Variants in NELL1 observed in about 807,000 individuals in gnomAD.
NELL1 encodes neural EGFL like 1.
A neutral mutation model predicts 107.4 loss-of-function variants in NELL1; 76 were observed. That is an observed-to-expected ratio of 0.71 (90% confidence interval 0.59 to 0.86). The LOEUF is 0.86. Among genes scored for constraint, NELL1 ranks in the 40% least tolerant of loss-of-function variants. NELL1 has a pLI of 0.00. For missense variants in NELL1, 1,024 were observed against 1,005.5 expected, an observed-to-expected ratio of 1.02 and a Z score of -0.25; for synonymous variants, 353 against 341.2, an observed-to-expected ratio of 1.03 and a Z score of -0.38.
chr11:20,732,039 A>G lies in NELL1; in HGVS notation c.185-51641A>G, dbSNP rs552114150. 8.3e-4 allele frequency among the ~76,000 whole-genome samples: 126 copies of G among 152,006 alleles called. 2 individuals carry two copies. Among genetic ancestry groups the G allele is most frequent in the Admixed American group, 8.3e-3 (126 of 15,258 alleles). ...GGCTCCTCTAATGGAGTCCTCTGGG[A>G]CCCATCCTTTCTAGGACTTGCCTAG... On this transcript the variant is annotated intron_variant, in intron 2 of 19. Transcript: ENST00000357134.
chr11:21,263,689 G>T (rs1175203777), intron 14 of NELL1, among the ~76,000 whole-genome samples: 1 of 151,856 alleles, frequency 6.6e-6, no homozygotes, highest in African/African-American at 2.4e-5. Flanking sequence ...ATATTTAGCT[G>T]CCATTGTCAG....
chr11:21,331,955 C>T (rs1850281405), intron 14 of NELL1, among the ~76,000 whole-genome samples: 1 of 151,988 alleles, frequency 6.6e-6, no homozygotes, highest in Non-Finnish European at 1.5e-5. Context: ...CGCTCTTTCC[C>T]CTTGTGGCAT....
At chr11:21,498,208 T>C (rs1382324122) in intron 15 of NELL1, among the ~76,000 whole-genome samples, 1 of 151,554 alleles carries the variant, frequency 6.6e-6, no homozygotes, top group East Asian at 1.9e-4. Flanking sequence ...TCTTTTTATA[T>C]TCTTTCTTGA....
chr11:21,337,793 TTTCC>T (rs1197901079), intron 14 of NELL1, among the ~76,000 whole-genome samples: 41 of 130,062 alleles, frequency 3.2e-4, no homozygotes, highest in South Asian at 1.7e-3. Flanking sequence ...TCTTTCTTTC[TTTCC>T]TTCTTTCTTT....
chr11:21,462,264 T>A (rs1430543318), intron 15 of NELL1, among the ~76,000 whole-genome samples: 1 of 152,130 alleles, frequency 6.6e-6, no homozygotes, highest in African/African-American at 2.4e-5. Flanking sequence ...TTGCTACATT[T>A]CATTTGAAAT....
intron 15 of NELL1, among the ~76,000 whole-genome samples, chr11:21,464,004 A>G (rs946807779): frequency 5.3e-5 from 8 of 152,048 alleles, no homozygotes; most frequent in Non-Finnish European, 8.8e-5. Context: ...TCCTCATGTC[A>G]TTTGGGCTTC....
chr11:21,340,897 T>C (rs548918406), intron 14 of NELL1, among the ~76,000 whole-genome samples: 1 of 152,268 alleles, frequency 6.6e-6, no homozygotes, highest in East Asian at 1.9e-4. Context: ...ACCAAATTTG[T>C]GGTACTTTGT....
intron 3 of NELL1, among the ~76,000 whole-genome samples, chr11:20,787,598 T>C (rs950705046): frequency 1.3e-5 from 2 of 152,232 alleles, no homozygotes; most frequent in Non-Finnish European, 2.9e-5. Flanking sequence ...GATTGTTGGC[T>C]TAAAAATCAG....
intron 12 of NELL1, among the ~76,000 whole-genome samples, chr11:20,975,312 G>A (rs7931503): frequency 0.17 from 25,445 of 151,590 alleles, 2,465 homozygotes; most frequent in Middle Eastern, 0.28. Context: ...CACCGCACCC[G>A]GCTGGGGCTT....
chr11:21,099,216 C>CACACAA (rs1554967515), intron 12 of NELL1, among the ~76,000 whole-genome samples: 81 of 143,626 alleles, frequency 5.6e-4, no homozygotes, highest in South Asian at 4.3e-3. Flanking sequence ...CACACACACA[C>CACACAA]ACACACACAC....
chr11:21,080,281 G>GCTA (rs1854235076), intron 12 of NELL1, among the ~76,000 whole-genome samples: 1 of 151,906 alleles, frequency 6.6e-6, no homozygotes, highest in Non-Finnish European at 1.5e-5. Context: ...TGTTAATATA[G>GCTA]CTACCTCTTG....
Position 21,404,129 on chromosome 11 carries a change from T to C in NELL1, c.1645+33181T>C, listed in dbSNP as rs186836476. On this transcript the variant is annotated intron_variant, in intron 15 of 19. Transcript: ENST00000357134. ...CACATGTGACAGTCAAGCAACTTTG[T>C]GTCTCAGGCCTGCACTTTAGAAACA... Among the ~76,000 whole-genome samples, 8 of 151,028 alleles carry C rather than the reference T, an allele frequency of 5.3e-5. No homozygotes were observed. The Admixed American group carries it at 5.3e-4, about 10-fold the overall frequency.
chr11:21,119,427 C>T (rs1199970735), intron 13 of NELL1, among the ~76,000 whole-genome samples: 1 of 150,600 alleles, frequency 6.6e-6, no homozygotes, highest in Non-Finnish European at 1.5e-5. Context: ...GATAATAAAG[C>T]TCCAAGAGTT....
At chr11:21,248,249 CAT>C (rs1299459198) in intron 14 of NELL1, among the ~76,000 whole-genome samples, 1 of 151,390 alleles carries the variant, frequency 6.6e-6, no homozygotes, top group African/African-American at 2.4e-5. Flanking sequence ...AGGAGGCTGA[CAT>C]GGGAGGATTG....
chr11:20,708,821 C>T (rs368643525), intron 2 of NELL1, among the ~76,000 whole-genome samples: 1 of 152,118 alleles, frequency 6.6e-6, no homozygotes, highest in East Asian at 1.9e-4. Flanking sequence ...CAGTGGTCCG[C>T]AAACTTTTTG....
In NELL1 at chr11:20,962,267, A is replaced by G. The variant is rs550306940; in HGVS notation, c.1300+1707A>G. On this transcript the variant is annotated intron_variant, in intron 12 of 19. Coordinates refer to ENST00000357134, the MANE Select transcript of NELL1 (RefSeq NM_006157.5). ...TAGATCTTCCCTTATGCTATTTTCT[A>G]TCAGAAAATTTAAGTAATTTTAAGA... Among the ~76,000 whole-genome samples, 8 of 152,248 alleles carry G rather than the reference A, an allele frequency of 5.3e-5. No homozygotes were observed. In the East Asian group the frequency reaches 1.2e-3, roughly 22 times the overall value.
chr11:21,335,932 A>G (rs1246680492), intron 14 of NELL1, among the ~76,000 whole-genome samples: 1 of 152,106 alleles, frequency 6.6e-6, no homozygotes, highest in Non-Finnish European at 1.5e-5. Flanking sequence ...TTAGTTCTGT[A>G]TAAATATTAG....
At chr11:20,847,446 C>G in intron 3 of NELL1, 137 bp from the exon 4 acceptor site, 1 of 826,126 alleles carries the variant, frequency 1.2e-6, no homozygotes, top group Non-Finnish European at 1.8e-6. Context: ...AGTGAATTGA[C>G]TTGAGGTCTT....
At chr11:21,574,578 G>C (rs1435932901) in intron 19 of NELL1, among the ~76,000 whole-genome samples, 1 of 151,706 alleles carries the variant, frequency 6.6e-6, no homozygotes, top group Non-Finnish European at 1.5e-5. Context: ...AAGATTGTTG[G>C]GGGTACTTTC....
Sources: allele counts gnomAD v4.1 joint callset (sites outside exome capture counted in the v4.1 genomes callset), GRCh38; gene constraint gnomAD v4.1.1; transcripts MANE v1.5; gene names NCBI Gene and HGNC (gene_info 2026-07-23, HGNC 2026-07-21).